Variants in SGK3 observed in about 807,000 individuals in gnomAD.
SGK3 encodes the protein serine/threonine-protein kinase Sgk3.
Under a neutral mutation model 68.5 loss-of-function variants are expected in SGK3, and 47 were observed. The ratio of observed to expected loss-of-function variants is 0.69; its 90% CI spans 0.54 to 0.87. The LOEUF (loss-of-function observed/expected upper bound fraction) is 0.87, where lower values mean the gene tolerates loss of function less well. Among genes scored for constraint, SGK3 ranks in the 40% least tolerant of loss-of-function variants. SGK3 has a pLI of 0.00. For missense variants in SGK3, 479 were observed against 575.5 expected (o/e 0.83, Z 1.72); for synonymous variants, 181 against 189.1 (o/e 0.96, Z 0.35).
intron 5 of SGK3, among the ~76,000 whole-genome samples, chr8:66,821,985 ATT>A (rs11398550): frequency 1.4e-5 from 2 of 143,402 alleles, no homozygotes; most frequent in Non-Finnish European, 1.5e-5. Context: ...CTCTTTCCCT[ATT>A]TTTTTTTTTT....
rs377668937 is a variant in SGK3, at chr8:66,805,824, C to T, written c.253+1377C>T. On this transcript the variant is annotated intron_variant, in intron 4 of 16. Coordinates refer to ENST00000521198, the MANE Select transcript of SGK3 (RefSeq NM_001033578.3). ...TTGTAACTGGTTAAACTGATAATACCTCACATGTCTGTGTAAGAAAAGAAA... is the reference window on the plus strand; with the variant it reads ...TTGTAACTGGTTAAACTGATAATACTTCACATGTCTGTGTAAGAAAAGAAA... Among the ~76,000 whole-genome samples, 26 of 152,316 alleles carry T rather than the reference C, an allele frequency of 1.7e-4. No homozygotes were observed. In the East Asian group the frequency reaches 3.5e-3, roughly 20 times the overall value.
intron 6 of SGK3, among the ~76,000 whole-genome samples, chr8:66,827,618 C>T (rs535697327): frequency 6.6e-6 from 1 of 152,070 alleles, no homozygotes; most frequent in East Asian, 1.9e-4. Context: ...AAAATGATCA[C>T]TGATAGGATT....
At chr8:66,765,245 G>A (rs564716237) in intron 1 of SGK3, among the ~76,000 whole-genome samples, 53 of 152,234 alleles carry the variant, frequency 3.5e-4, no homozygotes, top group Admixed American at 3.1e-3. Flanking sequence ...TTTGATTATT[G>A]CCATCCTAGT....
chr8:66,815,944 A>G (rs997628153), intron 5 of SGK3, among the ~76,000 whole-genome samples: 3 of 152,220 alleles, frequency 2.0e-5, no homozygotes, highest in African/African-American at 7.2e-5. Flanking sequence ...AACCATCACC[A>G]TTCCATTCAT....
At chr8:66,774,726 G>A (rs1013145570) in intron 1 of SGK3, among the ~76,000 whole-genome samples, 15 of 152,102 alleles carry the variant, frequency 9.9e-5, no homozygotes, top group Admixed American at 8.5e-4. Flanking sequence ...AATTTTTGAA[G>A]TAAAGGATGT....
At chr8:66,735,773 T>C (rs1039065681) in intron 1 of SGK3, among the ~76,000 whole-genome samples, 2 of 152,222 alleles carry the variant, frequency 1.3e-5, no homozygotes, top group African/African-American at 2.4e-5. Context: ...TTCTTTTTTT[T>C]CTTAACCCTT....
intron 4 of SGK3, among the ~76,000 whole-genome samples, chr8:66,811,514 T>G (rs1290736427): frequency 2.0e-5 from 3 of 152,272 alleles, no homozygotes; most frequent in South Asian, 2.1e-4. Flanking sequence ...AACTTAGTGT[T>G]GATCTAAAAA....
At chr8:66,764,726 A>G (rs1806266850) in intron 1 of SGK3, among the ~76,000 whole-genome samples, 1 of 152,130 alleles carries the variant, frequency 6.6e-6, no homozygotes, top group African/African-American at 2.4e-5. Flanking sequence ...GCAACTACCA[A>G]TCTGTTTCCC....
chr8:66,854,651 G>A (rs183914608), intron 16 of SGK3, among the ~76,000 whole-genome samples: 2 of 152,142 alleles, frequency 1.3e-5, no homozygotes, highest in East Asian at 3.9e-4. Context: ...TGGTAGGAAG[G>A]GATTACTATG....
At chr8:66,799,655 G>C (rs1439984299) in intron 3 of SGK3, among the ~76,000 whole-genome samples, 1 of 152,072 alleles carries the variant, frequency 6.6e-6, no homozygotes, top group East Asian at 1.9e-4. Context: ...AGGGTCTTGC[G>C]CTGTCACCCA....
chr8:66,798,485 C>A, intron 2 of SGK3, 57 bp from the exon 3 acceptor site: 1 of 1,467,606 alleles, frequency 6.8e-7, no homozygotes, highest in East Asian at 2.3e-5. Context: ...ATTTAAGTAG[C>A]TAATGGGTTT....
intron 1 of SGK3, among the ~76,000 whole-genome samples, chr8:66,788,599 TGGCA>T (rs571471848): frequency 7.2e-5 from 11 of 152,222 alleles, no homozygotes; most frequent in Non-Finnish European, 1.3e-4. Context: ...CAGTAAAAAC[TGGCA>T]GGCTCATAGG....
intron 1 of SGK3, among the ~76,000 whole-genome samples, chr8:66,753,553 G>T (rs1020532301): frequency 6.6e-6 from 1 of 152,128 alleles, no homozygotes; most frequent in Non-Finnish European, 1.5e-5. Context: ...GGCCAGGCAC[G>T]GTGGCTCACA....
At chr8:66,812,148 A>T (rs1452176825) in intron 4 of SGK3, among the ~76,000 whole-genome samples, 2 of 152,344 alleles carry the variant, frequency 1.3e-5, no homozygotes, top group East Asian at 3.9e-4. Context: ...CAGTAGAAAT[A>T]AGTTTACTAA....
chr8:66,801,939 A>G (rs1409949858), intron 3 of SGK3, among the ~76,000 whole-genome samples: 1 of 152,262 alleles, frequency 6.6e-6, no homozygotes, highest in Non-Finnish European at 1.5e-5. Context: ...AAAATAAAAT[A>G]GGAAAACTTG....
chr8:66,723,089 TCATATATATATATA>T (rs1300586679), intron 1 of SGK3, among the ~76,000 whole-genome samples: 767 of 57,376 alleles, frequency 0.013, 48 homozygotes, highest in African/African-American at 0.039. Flanking sequence ...AAGATTTTGT[TCATATATATATATA>T]TATATATATA....
chr8:66,850,749 T>C, intron 15 of SGK3, 82 bp from the exon 16 acceptor site: 8 of 1,329,808 alleles, frequency 6.0e-6, no homozygotes, highest in Non-Finnish European at 7.2e-6. Context: ...AAAATAGTAA[T>C]AGTTTGGCTT....
At chr8:66,779,750 CT>C in intron 1 of SGK3, among the ~76,000 whole-genome samples, 1 of 149,784 alleles carries the variant, frequency 6.7e-6, no homozygotes, top group East Asian at 2.0e-4. Flanking sequence ...GTTGTCTTTA[CT>C]AATAACATAG....
At chr8:66,754,572 G>A (rs549323629) in intron 1 of SGK3, among the ~76,000 whole-genome samples, 157 of 152,316 alleles carry the variant, frequency 1.0e-3, no homozygotes, top group African/African-American at 3.1e-3. Context: ...TTGGGGATAC[G>A]AATAAAGTCT....
Sources: gnomAD v4.1 joint callset for allele counts (sites outside exome capture counted in the v4.1 genomes callset) on GRCh38, gnomAD v4.1.1 for gene constraint, MANE v1.5 for transcripts, NCBI Gene and HGNC (gene_info 2026-07-23, HGNC 2026-07-21) for gene names.